The following FANK1 variants were observed in gnomAD, a reference collection of about 807,000 sequenced individuals.
FANK1 encodes the protein fibronectin type 3 and ankyrin repeat domains protein 1.
FANK1 carries 44 observed loss-of-function variants against 45.3 expected under a neutral mutation model. The observed-to-expected ratio is 0.97, with a 90% confidence interval of 0.76 to 1.25. The LOEUF (loss-of-function observed/expected upper bound fraction) is 1.25, where lower values mean the gene tolerates loss of function less well. FANK1 is among the 50% of genes most tolerant of loss of function. FANK1 has a pLI of 0.00. For synonymous variants in FANK1, 149 were observed against 152.5 expected (o/e 0.98, Z 0.17); for missense variants, 391 against 424.4 (o/e 0.92, Z 0.69).
At chr10:125,915,339 C>T (rs113313206) in intron 1 of FANK1, among the ~76,000 whole-genome samples, 16 of 152,004 alleles carry the variant, frequency 1.1e-4, no homozygotes, top group Non-Finnish European at 2.2e-4. Flanking sequence ...CCCAAAGGGA[C>T]GGACACATCT....
intron 3 of FANK1, among the ~76,000 whole-genome samples, chr10:125,992,102 G>A (rs1951987603): frequency 1.3e-5 from 2 of 152,210 alleles, no homozygotes; most frequent in African/African-American, 2.4e-5. Context: ...AAAATATTCA[G>A]TTGCACTTAT....
chr10:125,929,025 T>C (rs897242517), intron 1 of FANK1, among the ~76,000 whole-genome samples: 1 of 152,220 alleles, frequency 6.6e-6, no homozygotes, highest in African/African-American at 2.4e-5. Flanking sequence ...GTTCGATAAT[T>C]TGAGTCTCTG....
chr10:125,945,133 T>A (rs934686938), intron 1 of FANK1, among the ~76,000 whole-genome samples: 1 of 152,248 alleles, frequency 6.6e-6, no homozygotes, highest in Non-Finnish European at 1.5e-5. Context: ...GTGTTGTATG[T>A]GTCTTATGAT....
At chr10:126,002,266 T>A (rs1190958049) in intron 6 of FANK1, among the ~76,000 whole-genome samples, 1 of 152,030 alleles carries the variant, frequency 6.6e-6, no homozygotes, top group Non-Finnish European at 1.5e-5. Flanking sequence ...GAGCCAAGAT[T>A]GTGCCAGTGC....
chr10:125,920,545 A>G (rs1395861808), intron 1 of FANK1, among the ~76,000 whole-genome samples: 2 of 152,240 alleles, frequency 1.3e-5, no homozygotes, highest in Non-Finnish European at 2.9e-5. Flanking sequence ...GCAGGAGGCC[A>G]CATAAACATT....
intron 1 of FANK1, among the ~76,000 whole-genome samples, chr10:125,951,993 C>A (rs1949264346): frequency 6.6e-6 from 1 of 152,132 alleles, no homozygotes. Flanking sequence ...TTTCTTCAGG[C>A]CACTTTGCTA....
intron 1 of FANK1, among the ~76,000 whole-genome samples, chr10:125,966,765 A>G (rs1950220828): frequency 6.6e-6 from 1 of 152,242 alleles, no homozygotes; most frequent in African/African-American, 2.4e-5. Flanking sequence ...TCAGCAAGGA[A>G]GAGTCTAGGC....
At chr10:125,967,720 C>T (rs1950268896) in intron 1 of FANK1, among the ~76,000 whole-genome samples, 1 of 152,240 alleles carries the variant, frequency 6.6e-6, no homozygotes, top group Admixed American at 6.5e-5. Flanking sequence ...CCTCCCACTT[C>T]AGCTTCCCAA....
At chr10:125,967,120 T>C (rs913339676) in intron 1 of FANK1, among the ~76,000 whole-genome samples, 3 of 152,236 alleles carry the variant, frequency 2.0e-5, no homozygotes, top group Admixed American at 1.3e-4. Flanking sequence ...TTAGATTAGT[T>C]TTCATTGCTG....
rs34132526 is a variant in FANK1 at position 125,906,515 on chromosome 10, C to CAAAAAAAAAAA, written c.13+9879_13+9889dup. On this transcript the variant is annotated intron_variant, in intron 1 of 10. Coordinates refer to ENST00000368693, the MANE Select transcript of FANK1 (RefSeq NM_145235.5). ...TTGGGGACAGAGCAAGACTCTGTCT[C>CAAAAAAAAAAA]AAAAAAAAAAAAAAAAAAAAAAAAA... Among the ~76,000 whole-genome samples the CAAAAAAAAAAA allele has an allele frequency of 5.2e-4, 24 of 46,420 alleles. 4 individuals are homozygous for CAAAAAAAAAAA. The highest frequency in any genetic ancestry group is 8.9e-4 in the African/African-American group (12 of 13,426). The allele number at this position is 46,420 out of a possible 152,430, so 30.5% of individuals were successfully genotyped here. A position where few individuals can be genotyped will look rare whatever the true frequency, so the allele number is the denominator to read the frequency against.
chr10:125,996,989 T>TA (rs1379103784), intron 5 of FANK1, among the ~76,000 whole-genome samples: 1 of 152,142 alleles, frequency 6.6e-6, no homozygotes, highest in African/African-American at 2.4e-5. Flanking sequence ...TTTTCACAGA[T>TA]ACACTCTCAT....
chr10:126,006,570 A>G (rs1296146851), intron 7 of FANK1, among the ~76,000 whole-genome samples: 1 of 152,200 alleles, frequency 6.6e-6, no homozygotes, highest in Non-Finnish European at 1.5e-5. Flanking sequence ...AAAGAAGTCA[A>G]GCATCGGGGC....
intron 1 of FANK1, among the ~76,000 whole-genome samples, chr10:125,939,363 T>A (rs535987719): frequency 6.6e-6 from 1 of 152,288 alleles, no homozygotes; most frequent in Admixed American, 6.5e-5. Context: ...AGCTTTTCAG[T>A]GTAATGGTAT....
At chr10:125,909,055 C>T (rs1331065541) in intron 1 of FANK1, among the ~76,000 whole-genome samples, 1 of 152,258 alleles carries the variant, frequency 6.6e-6, no homozygotes, top group Non-Finnish European at 1.5e-5. Flanking sequence ...CTTAACATGG[C>T]TAGCAAGTCA....
At chr10:126,008,380 A>AAC in intron 7 of FANK1, 27 bp from the exon 8 acceptor site, 1 of 1,560,550 alleles carries the variant, frequency 6.4e-7, no homozygotes, top group Non-Finnish European at 8.7e-7. Context: ...AATTGGGCTC[A>AAC]ACACAGCTGT....
intron 1 of FANK1, among the ~76,000 whole-genome samples, chr10:125,900,491 CTG>C (rs201868799): frequency 6.6e-6 from 1 of 151,854 alleles, no homozygotes; most frequent in Non-Finnish European, 1.5e-5. Context: ...TGAGTAAAAA[CTG>C]TATATTTATC....
chr10:125,964,049 TACTC>T (rs1380356326), intron 1 of FANK1, among the ~76,000 whole-genome samples: 3 of 152,098 alleles, frequency 2.0e-5, no homozygotes, highest in Non-Finnish European at 4.4e-5. Flanking sequence ...ATATGTAAAA[TACTC>T]ACATGCCACC....
chr10:125,984,822 A>AT (rs146112971), intron 2 of FANK1, among the ~76,000 whole-genome samples: 7,036 of 152,292 alleles, frequency 0.046, 532 homozygotes, highest in African/African-American at 0.16. Context: ...TATGCTTTAA[A>AT]TTTTTGTAGA....
At chr10:125,925,560 A>G (rs1483173714) in intron 1 of FANK1, among the ~76,000 whole-genome samples, 1 of 152,074 alleles carries the variant, frequency 6.6e-6, no homozygotes, top group Non-Finnish European at 1.5e-5. Context: ...CCACCGCCAA[A>G]TAATTGTTTT....
Sources: allele counts gnomAD v4.1 joint callset (sites outside exome capture counted in the v4.1 genomes callset), GRCh38; gene constraint gnomAD v4.1.1; transcripts MANE v1.5; gene names NCBI Gene and HGNC (gene_info 2026-07-23, HGNC 2026-07-21).